COL21A1: variants seen among roughly 807,000 people sequenced by gnomAD.
The protein encoded by COL21A1 is collagen type XXI alpha 1 chain.
A neutral mutation model predicts 137.9 loss-of-function variants in COL21A1; 149 were observed. The observed-to-expected ratio is 1.08, with a 90% confidence interval of 0.95 to 1.24. The LOEUF is 1.24. COL21A1 is among the 50% of genes most tolerant of loss of function. The probability of loss-of-function intolerance (pLI) is 0.00; values close to 1 mark genes in which losing one functional copy is unlikely to be tolerated. For synonymous variants in COL21A1, 456 were observed against 391.5 expected, an observed-to-expected ratio of 1.16 and a Z score of -1.95; for missense variants, 1,167 against 1,158.4, an observed-to-expected ratio of 1.01 and a Z score of -0.11.
At chr6:56,079,234 T>G (rs993989717) in intron 17 of COL21A1, among the ~76,000 whole-genome samples, 6 of 151,690 alleles carry the variant, frequency 4.0e-5, no homozygotes, top group African/African-American at 1.4e-4. Context: ...GGCTATACAT[T>G]GTTCTATGCT....
chr6:56,176,383 G>T (rs4715583), intron 3 of COL21A1, among the ~76,000 whole-genome samples: 2 of 151,114 alleles, frequency 1.3e-5, no homozygotes, highest in African/African-American at 2.4e-5. Flanking sequence ...CTGATAAGAG[G>T]TTAACATTCA....
At chr6:56,276,541 A>C in intron 1 of COL21A1, 2 of 1,298,838 alleles carry the variant, frequency 1.5e-6, no homozygotes, top group Non-Finnish European at 2.2e-6. Flanking sequence ...CATTCTTCTT[A>C]TATACTTCAA....
At chr6:56,374,639 T>C (rs949443202) in intron 1 of COL21A1, among the ~76,000 whole-genome samples, 3 of 150,482 alleles carry the variant, frequency 2.0e-5, no homozygotes, top group African/African-American at 7.4e-5. Context: ...GGAGAATCTC[T>C]TGAACCCGGG....
chr6:56,347,767 G>A (rs1036448655), intron 1 of COL21A1, among the ~76,000 whole-genome samples: 9 of 151,948 alleles, frequency 5.9e-5, no homozygotes, highest in Non-Finnish European at 1.3e-4. Flanking sequence ...ATAAGACATT[G>A]TATTACTAAA....
intron 1 of COL21A1, among the ~76,000 whole-genome samples, chr6:56,188,819 A>G (rs940393786): frequency 6.6e-6 from 1 of 152,144 alleles, no homozygotes; most frequent in Admixed American, 6.5e-5. Flanking sequence ...TGCAGACTCC[A>G]CTGGTGATAC....
intron 1 of COL21A1, among the ~76,000 whole-genome samples, chr6:56,387,639 G>A (rs943166199): frequency 6.6e-5 from 10 of 152,276 alleles, no homozygotes; most frequent in African/African-American, 2.4e-4. Flanking sequence ...GTGAGTGTGT[G>A]GGACTTTGCA....
At chr6:56,138,748 T>C (rs1774186818) in intron 12 of COL21A1, among the ~76,000 whole-genome samples, 2 of 152,008 alleles carry the variant, frequency 1.3e-5, no homozygotes, top group African/African-American at 4.8e-5. Flanking sequence ...GCAGTGAAAA[T>C]GTGCAGGAAA....
chr6:56,324,708 C>G (rs140226728), intron 1 of COL21A1, among the ~76,000 whole-genome samples: 1 of 151,974 alleles, frequency 6.6e-6, no homozygotes, highest in Non-Finnish European at 1.5e-5. Context: ...CACTTGGACA[C>G]TCTACACGAA....
chr6:56,287,220 G>A lies in COL21A1; in HGVS notation c.-38-104564C>T, dbSNP rs544798625. Among the ~76,000 whole-genome samples the A allele has an allele frequency of 5.9e-5, 9 of 152,284 alleles. No homozygotes were observed. In the South Asian group the frequency reaches 6.2e-4, roughly 11 times the overall value. ...ATTTGAAGCAGGATATTTTATCATA[G>A]GATTGTATTTTTCAAACTCTTTTAC... On this transcript the variant is annotated intron_variant, in intron 1 of 28. Transcript: ENST00000370819.
chr6:56,360,117 A>C (rs762064032), intron 1 of COL21A1, among the ~76,000 whole-genome samples: 1 of 152,212 alleles, frequency 6.6e-6, no homozygotes, highest in Non-Finnish European at 1.5e-5. Context: ...GTCCTTGAAG[A>C]TACAATGGTG....
chr6:56,187,400 G>A (rs150604432), intron 1 of COL21A1, among the ~76,000 whole-genome samples: 257 of 152,284 alleles, frequency 1.7e-3, no homozygotes, highest in Non-Finnish European at 3.0e-3. Flanking sequence ...GTTTCAACAT[G>A]AGTTTCAGAG....
chr6:56,376,091 G>C (rs1246221072), intron 1 of COL21A1, among the ~76,000 whole-genome samples: 2 of 152,180 alleles, frequency 1.3e-5, no homozygotes, highest in African/African-American at 4.8e-5. Context: ...TTCTGACAAG[G>C]AGTGCTCAAG....
chr6:56,306,017 A>T (rs1764441745), intron 1 of COL21A1, among the ~76,000 whole-genome samples: 1 of 89,952 alleles, frequency 1.1e-5, no homozygotes, highest in African/African-American at 3.1e-5. Context: ...TGGATATGAA[A>T]TTCTGGGTTG....
At chr6:56,336,385 T>A (rs1765330791) in intron 1 of COL21A1, among the ~76,000 whole-genome samples, 1 of 152,244 alleles carries the variant, frequency 6.6e-6, no homozygotes, top group Non-Finnish European at 1.5e-5. Context: ...TATCCTGTTT[T>A]ATTTTTAATC....
At chr6:56,278,808 A>C (rs1163207021) in intron 1 of COL21A1, among the ~76,000 whole-genome samples, 2 of 152,154 alleles carry the variant, frequency 1.3e-5, no homozygotes. Context: ...CACCCCACTA[A>C]ATATGCAAAT....
intron 1 of COL21A1, among the ~76,000 whole-genome samples, chr6:56,197,421 T>C (rs1779093869): frequency 6.6e-6 from 1 of 152,000 alleles, no homozygotes; most frequent in African/African-American, 2.4e-5. Flanking sequence ...AATAAAAAGG[T>C]AATCTACAGA....
At chr6:56,323,060 C>A (rs561589462) in intron 1 of COL21A1, among the ~76,000 whole-genome samples, 1 of 151,856 alleles carries the variant, frequency 6.6e-6, no homozygotes, top group Non-Finnish European at 1.5e-5. Flanking sequence ...GAAATATTAC[C>A]TATTGGGTAC....
At chr6:56,237,486 A>G (rs1278739709) in intron 1 of COL21A1, among the ~76,000 whole-genome samples, 1 of 152,170 alleles carries the variant, frequency 6.6e-6, no homozygotes, top group Non-Finnish European at 1.5e-5. Flanking sequence ...AAGTTTGAAA[A>G]TGTAAAAATA....
At chr6:56,350,020 C>T (rs906577694) in intron 1 of COL21A1, among the ~76,000 whole-genome samples, 1 of 152,180 alleles carries the variant, frequency 6.6e-6, no homozygotes, top group African/African-American at 2.4e-5. Flanking sequence ...GAGCAGTGCA[C>T]TTCCCTTACT....
Sources: gnomAD v4.1 joint callset for allele counts (sites outside exome capture counted in the v4.1 genomes callset) on GRCh38, gnomAD v4.1.1 for gene constraint, MANE v1.5 for transcripts, NCBI Gene and HGNC (gene_info 2026-07-23, HGNC 2026-07-21) for gene names.